Variants in ATL2 observed in about 807,000 individuals in gnomAD.
The protein encoded by ATL2 is atlastin GTPase 2.
A neutral mutation model predicts 73.9 loss-of-function variants in ATL2; 31 were observed. The observed-to-expected ratio is 0.42, with a 90% CI of 0.32 to 0.57. The LOEUF is 0.57. ATL2 is among the 20% of genes least tolerant of loss of function. The pLI is 0.14. For missense variants in ATL2, 738 were observed against 702.6 expected, an observed-to-expected ratio of 1.05 and a Z score of -0.57; for synonymous variants, 291 against 237.5, an observed-to-expected ratio of 1.23 and a Z score of -2.07.
chr2:38,314,619 T>G lies in ATL2; in HGVS notation c.700A>C (p.Lys234Gln), dbSNP rs1667930827. 1 of 1,601,208 alleles carries G rather than the reference T, an allele frequency of 6.2e-7. No individual in the cohort carries two copies. The highest frequency in any genetic ancestry group is 1.1e-5 in the South Asian group (1 of 90,644). ...AATAACTTTTTTACCTGAAATGGTTTCTGGTAGATTTCTTCCATCGCAAGT... is the reference window on the plus strand; with the variant it reads ...AATAACTTTTTTACCTGAAATGGTTGCTGGTAGATTTCTTCCATCGCAAGT... The part of the protein sequence containing the change: ...GRLAMEEIYQ[K>Q]PFQTLMFLIR... Residue 234 changes from lysine (K) to glutamine (Q), a missense_variant, in exon 6 of 13, where the codon AAA becomes CAA. Transcript: ENST00000378954.
Position 38,351,496 on chromosome 2 carries a change from AT to A in ATL2, c.119-7985del, listed in dbSNP as rs58343546. On this transcript the variant is annotated intron_variant, in intron 1 of 12. Coordinates refer to ENST00000378954, the MANE Select transcript of ATL2 (RefSeq NM_001135673.4). ...AAAAAATTATACATATATATATTTAATTTTTTTTTTTTTTTGAGACAGAGTT... is the reference window on the plus strand; with the variant it reads ...AAAAAATTATACATATATATATTTAATTTTTTTTTTTTTTGAGACAGAGTT... Among the ~76,000 whole-genome samples, 1,013 of 143,674 alleles carry A rather than the reference AT, an allele frequency of 7.1e-3. 4 individuals are homozygous for A. Among genetic ancestry groups the A allele is most frequent in the African/African-American group, 8.2e-3 (327 of 39,648 alleles). 94.3% of individuals were successfully genotyped at this position (143,674 alleles called of 152,430 possible).
At chr2:38,331,612 C>CA (rs35381890) in intron 2 of ATL2, among the ~76,000 whole-genome samples, 1,045 of 91,996 alleles carry the variant, frequency 0.011, 11 homozygotes, top group African/African-American at 0.031. Context: ...GACTCCATCT[C>CA]AAAAAAAAAA....
intron 2 of ATL2, among the ~76,000 whole-genome samples, chr2:38,337,665 T>G (rs1457440357): frequency 1.3e-5 from 2 of 151,840 alleles, no homozygotes; most frequent in South Asian, 2.1e-4. Context: ...CACAGGGATT[T>G]ACTTCAAAAT....
rs556732902 is a variant in ATL2, at chr2:38,353,385, A to G, written c.119-9873T>C. Among the ~76,000 whole-genome samples, 8 of 152,316 alleles carry G rather than the reference A, an allele frequency of 5.3e-5. No homozygotes were observed. The South Asian group carries it at 6.2e-4, about 12-fold the overall frequency. ...AGTTTGTAAACTTGCAAAGAGATCA[A>G]AAGAGATTTTCTAATCTGAAGTACA... On this transcript the variant is annotated intron_variant, in intron 1 of 12. Coordinates refer to ENST00000378954, the MANE Select transcript of ATL2 (RefSeq NM_001135673.4).
chr2:38,316,721 ATTTT>A (rs1433799573), intron 4 of ATL2, among the ~76,000 whole-genome samples: 2 of 152,184 alleles, frequency 1.3e-5, no homozygotes, highest in Non-Finnish European at 2.9e-5. Flanking sequence ...AGTAAAACTC[ATTTT>A]ACAGACAACA....
rs911250227 is a variant in ATL2, at chr2:38,344,098, A to T, written c.119-586T>A. ...AACAATAATACTAAATATGGCCTCT[A>T]TCTCAATGAAGTCTTAACTTCATTG... On this transcript the variant is annotated intron_variant, in intron 1 of 12. Transcript: ENST00000378954. 2.0e-5 allele frequency among the ~76,000 whole-genome samples: 3 copies of T among 152,304 alleles called. No individual in the cohort carries two copies. The East Asian group carries it at 5.8e-4, about 29-fold the overall frequency.
intron 2 of ATL2, among the ~76,000 whole-genome samples, chr2:38,325,906 T>A (rs984655592): frequency 0.015 from 776 of 51,950 alleles, 8 homozygotes; most frequent in African/African-American, 0.042. Flanking sequence ...TTTGTTTGTT[T>A]AAAAAAAAAA....
At chr2:38,373,535 A>C (rs1362123210) in intron 1 of ATL2, among the ~76,000 whole-genome samples, 1 of 152,216 alleles carries the variant, frequency 6.6e-6, no homozygotes, top group Non-Finnish European at 1.5e-5. Flanking sequence ...AGAGGATGTT[A>C]GTCTTTTATG....
chr2:38,355,732 C>T (rs1670623217), intron 1 of ATL2, among the ~76,000 whole-genome samples: 1 of 148,228 alleles, frequency 6.7e-6, no homozygotes. Flanking sequence ...TTGAGTCTCG[C>T]TCTGTCACCC....
At chr2:38,343,553 A>G (rs763373073) in intron 1 of ATL2, 41 bp from the exon 2 acceptor site, 15 of 1,571,998 alleles carry the variant, frequency 9.5e-6, no homozygotes, top group South Asian at 2.3e-5. Flanking sequence ...TTTAATCCCT[A>G]TATTACGAAC....
At chr2:38,351,982 G>A (rs1406339604) in intron 1 of ATL2, among the ~76,000 whole-genome samples, 1 of 151,272 alleles carries the variant, frequency 6.6e-6, no homozygotes, top group African/African-American at 2.4e-5. Context: ...TGTGGTGGCA[G>A]GCCCCTGTAA....
chr2:38,331,621 A>AC (rs1216915421), intron 2 of ATL2, among the ~76,000 whole-genome samples: 1 of 151,234 alleles, frequency 6.6e-6, no homozygotes, highest in Admixed American at 6.6e-5. Flanking sequence ...TCAAAAAAAA[A>AC]AAAAAAAAAA....
intron 1 of ATL2, among the ~76,000 whole-genome samples, chr2:38,351,126 T>G (rs1489989654): frequency 2.0e-5 from 3 of 151,000 alleles, no homozygotes; most frequent in Non-Finnish European, 4.4e-5. Flanking sequence ...AAAGTAACCT[T>G]GATTCAGTCT....
At position 38,355,639 on chromosome 2, in the gene ATL2, C is replaced by T. The variant is rs183691166; in HGVS notation, c.119-12127G>A. Among the ~76,000 whole-genome samples, 10 of 150,756 alleles carry T rather than the reference C, an allele frequency of 6.6e-5. No homozygotes were observed. The East Asian group carries it at 1.6e-3, about 23-fold the overall frequency. ...TGCCAAGTAAGAAACTCAAAATACA[C>T]GAAGCAAAAATTCAGAGAACTAAAA... On this transcript the variant is annotated intron_variant, in intron 1 of 12. Transcript: ENST00000378954.
intron 7 of ATL2, among the ~76,000 whole-genome samples, chr2:38,312,694 G>A (rs1667822931): frequency 7.1e-6 from 1 of 140,332 alleles, no homozygotes; most frequent in African/African-American, 2.8e-5. Context: ...AGGCAATAGT[G>A]TGAGACTGTC....
intron 1 of ATL2, among the ~76,000 whole-genome samples, chr2:38,361,353 C>CAAAA (rs921670483): frequency 3.3e-5 from 2 of 59,774 alleles, no homozygotes; most frequent in Non-Finnish European, 8.0e-5. Flanking sequence ...GACTCCGTCT[C>CAAAA]AAAAAAAAAA....
intron 1 of ATL2, among the ~76,000 whole-genome samples, chr2:38,345,197 C>G (rs1032448554): frequency 6.6e-6 from 1 of 152,120 alleles, no homozygotes; most frequent in Non-Finnish European, 1.5e-5. Flanking sequence ...GTGTCAGTTT[C>G]CACTCTAAGG....
intron 2 of ATL2, among the ~76,000 whole-genome samples, chr2:38,321,279 T>A (rs932246065): frequency 1.3e-5 from 2 of 152,176 alleles, no homozygotes; most frequent in African/African-American, 4.8e-5. Context: ...AAAACTCCCA[T>A]CCCCAGTAGG....
Position 38,310,387 on chromosome 2 carries a change from A to T in ATL2, c.865T>A (p.Ser289Thr). 6.2e-7 allele frequency: 1 copy of T among 1,612,394 alleles called. No individual in the cohort carries two copies. Among genetic ancestry groups the T allele is most frequent in the South Asian group, 1.1e-5 (1 of 90,700 alleles). ...GGCAAAAGGAAGCAACCAAGATTTG[A>T]GAAACAATTGTGTATGTGCTTCCTT... The part of the protein sequence containing the change: ...NVRKHIHNCF[S>T]NLGCFLLPHP... Residue 289 changes from serine (S) to threonine (T), a missense_variant, in exon 8 of 13, where the codon TCA becomes ACA. Physicochemically the swap from Ser to Thr is moderately conservative, Grantham distance 58. Coordinates refer to ENST00000378954, the MANE Select transcript of ATL2 (RefSeq NM_001135673.4).
Sources: gnomAD v4.1 joint callset for allele counts (sites outside exome capture counted in the v4.1 genomes callset) on GRCh38, gnomAD v4.1.1 for gene constraint, MANE v1.5 for transcripts, NCBI Gene and HGNC (gene_info 2026-07-23, HGNC 2026-07-21) for gene names.